The following ENTPD1 variants were observed in gnomAD, a reference collection of about 807,000 sequenced individuals.
The protein encoded by ENTPD1 is ATP diphosphohydrolase.
In ENTPD1, 33 loss-of-function variants were observed where a neutral mutation model predicts 57.0. That is an observed-to-expected ratio of 0.58 (90% confidence interval 0.44 to 0.77). The LOEUF is 0.77. Among genes scored for constraint, ENTPD1 ranks in the 30% least tolerant of loss-of-function variants. ENTPD1 has a pLI of 0.00. For missense variants in ENTPD1, 501 were observed against 603.4 expected (o/e 0.83, Z 1.78); for synonymous variants, 202 against 218.8 (o/e 0.92, Z 0.68).
At chr10:95,806,007 C>T (rs2098270701) in intron 1 of ENTPD1, among the ~76,000 whole-genome samples, 1 of 152,142 alleles carries the variant, frequency 6.6e-6, no homozygotes, top group Admixed American at 6.5e-5. Context: ...TTGTGGTGTT[C>T]TCTGTATTTC....
chr10:95,800,845 T>C (rs1236439245), intron 1 of ENTPD1, among the ~76,000 whole-genome samples: 2 of 152,188 alleles, frequency 1.3e-5, no homozygotes, highest in Non-Finnish European at 2.9e-5. Context: ...GATTTTATAT[T>C]GTTTAAACAC....
At chr10:95,857,842 G>A (rs969611353) in intron 7 of ENTPD1, among the ~76,000 whole-genome samples, 5 of 152,126 alleles carry the variant, frequency 3.3e-5, no homozygotes, top group Non-Finnish European at 7.3e-5. Context: ...CACAAACAAA[G>A]GCAAATCCGA....
chr10:95,823,085 TTACTCTG>T (rs2098359427), intron 1 of ENTPD1, 145 bp from the exon 2 acceptor site: 1 of 844,374 alleles, frequency 1.2e-6, no homozygotes, highest in African/African-American at 1.7e-5. Flanking sequence ...TATTTCCCAA[TTACTCTG>T]TAAGTACCTC....
chr10:95,790,296 T>G (rs2098198300), intron 1 of ENTPD1, among the ~76,000 whole-genome samples: 1 of 152,224 alleles, frequency 6.6e-6, no homozygotes, highest in African/African-American at 2.4e-5. Flanking sequence ...TAGCTTACTT[T>G]ATTGTAAGAA....
intron 1 of ENTPD1, among the ~76,000 whole-genome samples, chr10:95,800,289 G>C (rs1432785471): frequency 1.3e-5 from 2 of 152,114 alleles, no homozygotes; most frequent in African/African-American, 4.8e-5. Flanking sequence ...CGCAAAACCA[G>C]CAAGTTTTTA....
At position 95,872,279 on chromosome 10, in the gene ENTPD1, A is replaced by G. The variant is rs1024731259; in HGVS notation, c.*5896A>G. 21 of 985,288 alleles carry G rather than the reference A, an allele frequency of 2.1e-5. No homozygotes were observed. Among genetic ancestry groups the G allele is most frequent in the Non-Finnish European group, 2.2e-5 (18 of 829,936 alleles). 61.0% of individuals were successfully genotyped at this position (985,288 alleles called of 1,614,324 possible). A position where few individuals can be genotyped will look rare whatever the true frequency, so the allele number is the denominator to read the frequency against. On this transcript the variant is annotated 3_prime_UTR_variant, in exon 10 of 10. Coordinates refer to ENST00000371205, the MANE Select transcript of ENTPD1 (RefSeq NM_001776.6). ...TGGCTTTCCATTGCCTACAAAATAAAGTCAACCTCCCCATCAGACATTCAA... is the reference window on the plus strand; with the variant it reads ...TGGCTTTCCATTGCCTACAAAATAAGGTCAACCTCCCCATCAGACATTCAA...
intron 2 of ENTPD1, among the ~76,000 whole-genome samples, chr10:95,834,982 T>G (rs1361849620): frequency 1.3e-5 from 2 of 152,140 alleles, no homozygotes; most frequent in Non-Finnish European, 2.9e-5. Context: ...CATGTGCATA[T>G]TTGTTTCATG....
At chr10:95,731,490 TCTGC>T (rs1319231635) in intron 1 of ENTPD1, among the ~76,000 whole-genome samples, 1 of 152,142 alleles carries the variant, frequency 6.6e-6, no homozygotes, top group Non-Finnish European at 1.5e-5. Context: ...CCTGCCACTC[TCTGC>T]CTGATGGCTT....
In ENTPD1 at chr10:95,869,241, C is replaced by CTTTTTTTTTTTTTTTTTTTTT. The variant is rs11312564; in HGVS notation, c.*2864_*2884dup. ...GAAAAAAGATCAGCAGAAGTCATTA[C>CTTTTTTTTTTTTTTTTTTTTT]TTTTTTTTTTTTTTTTTTTTTTTTT... On this transcript the variant is annotated 3_prime_UTR_variant, in exon 10 of 10. Coordinates refer to ENST00000371205, the MANE Select transcript of ENTPD1 (RefSeq NM_001776.6). The CTTTTTTTTTTTTTTTTTTTTT allele has an allele frequency of 4.8e-6, 3 of 629,798 alleles. 1 individual carries two copies. The highest frequency in any genetic ancestry group is 3.3e-5 in the African/African-American group (1 of 29,872). 39.0% of individuals were successfully genotyped at this position (629,798 alleles called of 1,614,324 possible).
chr10:95,789,400 A>G (rs886567813), intron 1 of ENTPD1, among the ~76,000 whole-genome samples: 1 of 152,192 alleles, frequency 6.6e-6, no homozygotes, highest in Non-Finnish European at 1.5e-5. Context: ...TGAAACTGGC[A>G]TGCATTTATT....
intron 1 of ENTPD1, among the ~76,000 whole-genome samples, chr10:95,738,875 G>A (rs889167589): frequency 2.0e-5 from 3 of 152,132 alleles, no homozygotes; most frequent in Non-Finnish European, 4.4e-5. Context: ...ACTCAGACTC[G>A]AGAATTTGAA....
In ENTPD1 at chr10:95,871,536, G is replaced by T. The variant is rs772864082; in HGVS notation, c.*5153G>T. The stretch of plus-strand genomic sequence containing the variant: ...ATTTGCATACAAATCTAATACAACT[G>T]AACACAATCAGTTTTATCACAGGTA... On this transcript the variant is annotated 3_prime_UTR_variant, in exon 10 of 10. Coordinates refer to ENST00000371205, the MANE Select transcript of ENTPD1 (RefSeq NM_001776.6). The T allele has an allele frequency of 2.2e-4, 217 of 985,238 alleles. No homozygotes were observed. The highest frequency in any genetic ancestry group is 2.2e-4 in the Non-Finnish European group (186 of 829,926). The allele number at this position is 985,238 out of a possible 1,614,324, so 61.0% of individuals were successfully genotyped here.
chr10:95,739,779 GATTTACT>G (rs1179636513), intron 1 of ENTPD1, among the ~76,000 whole-genome samples: 11 of 152,042 alleles, frequency 7.2e-5, no homozygotes, highest in African/African-American at 2.7e-4. Flanking sequence ...GAAAATTTTT[GATTTACT>G]TTGCCCACAT....
chr10:95,704,081 C>G, the ENTPD1 span, among the ~76,000 whole-genome samples: 771 of 152,218 alleles, frequency 5.1e-3, 6 homozygotes, highest in Middle Eastern at 0.031. Flanking sequence ...CAGAGCAAGA[C>G]TCTGTCAAAA....
intron 1 of ENTPD1, among the ~76,000 whole-genome samples, chr10:95,778,640 G>T: frequency 6.6e-6 from 1 of 151,632 alleles, no homozygotes; most frequent in South Asian, 2.1e-4. Context: ...TTCTTATTTT[G>T]GTTATTACTG....
chr10:95,720,415 AAAGAGT>A (rs1261061670), intron 1 of ENTPD1, among the ~76,000 whole-genome samples: 2 of 152,196 alleles, frequency 1.3e-5, no homozygotes, highest in East Asian at 3.8e-4. Flanking sequence ...AAAGCATGTG[AAAGAGT>A]AATGTTCCCC....
At chr10:95,746,922 A>G (rs1437050948) in intron 1 of ENTPD1, among the ~76,000 whole-genome samples, 1 of 152,346 alleles carries the variant, frequency 6.6e-6, no homozygotes, top group Non-Finnish European at 1.5e-5. Flanking sequence ...AGAAAATTTG[A>G]TACAGTTTTC....
intron 1 of ENTPD1, among the ~76,000 whole-genome samples, chr10:95,781,353 AG>A (rs940500314): frequency 6.6e-6 from 1 of 152,180 alleles, no homozygotes; most frequent in African/African-American, 2.4e-5. Context: ...ATAGCGCAAC[AG>A]GGTGCTATCA....
intron 1 of ENTPD1, among the ~76,000 whole-genome samples, chr10:95,735,120 C>T (rs543728978): frequency 6.6e-6 from 1 of 151,504 alleles, no homozygotes; most frequent in African/African-American, 2.4e-5. Flanking sequence ...CAGCCTCCAC[C>T]TCCATGGTTC....
Sources: gnomAD v4.1 joint callset for allele counts (sites outside exome capture counted in the v4.1 genomes callset) on GRCh38, gnomAD v4.1.1 for gene constraint, MANE v1.5 for transcripts, NCBI Gene and HGNC (gene_info 2026-07-23, HGNC 2026-07-21) for gene names.